The following TMOD1 variants were observed in gnomAD, a reference collection of about 807,000 sequenced individuals.
TMOD1 encodes the protein tropomodulin-1.
Under a neutral mutation model 40.6 loss-of-function variants are expected in TMOD1, and 17 were observed. The ratio of observed to expected loss-of-function variants is 0.42; its 90% CI spans 0.29 to 0.63. TMOD1 has a LOEUF of 0.63. TMOD1 is among the 20% of genes least tolerant of loss of function. The pLI is 0.22. For synonymous variants in TMOD1, 181 were observed against 175.0 expected (o/e 1.03, Z -0.27); for missense variants, 391 against 447.6 (o/e 0.87, Z 1.14).
At chr9:97,510,571 G>A (rs1262905409) in intron 1 of TMOD1, among the ~76,000 whole-genome samples, 4 of 152,170 alleles carry the variant, frequency 2.6e-5, no homozygotes, top group Admixed American at 2.0e-4. Flanking sequence ...TTGACTTACG[G>A]CTATCAAAGC....
intron 2 of TMOD1, among the ~76,000 whole-genome samples, chr9:97,525,378 A>G (rs999803319): frequency 6.6e-6 from 1 of 152,180 alleles, no homozygotes; most frequent in African/African-American, 2.4e-5. Flanking sequence ...CACACACACA[A>G]TACAAGTGTT....
At chr9:97,505,038 C>T (rs1408200902) in intron 1 of TMOD1, among the ~76,000 whole-genome samples, 1 of 152,166 alleles carries the variant, frequency 6.6e-6, no homozygotes, top group Non-Finnish European at 1.5e-5. Context: ...TAAAATCTTC[C>T]TTTGGCTAAT....
At chr9:97,510,279 A>G (rs1829674304) in intron 1 of TMOD1, among the ~76,000 whole-genome samples, 1 of 152,142 alleles carries the variant, frequency 6.6e-6, no homozygotes, top group Admixed American at 6.6e-5. Context: ...TGCCCAGGCA[A>G]GAGTACAGTG....
intron 2 of TMOD1, among the ~76,000 whole-genome samples, chr9:97,527,311 C>T (rs1830031365): frequency 1.3e-5 from 2 of 152,222 alleles, no homozygotes; most frequent in South Asian, 2.1e-4. Context: ...GGTTACCTGC[C>T]GAGCACTGTG....
intron 4 of TMOD1, chr9:97,555,639 T>C: frequency 6.4e-7 from 1 of 1,551,082 alleles, no homozygotes; most frequent in Non-Finnish European, 8.7e-7. Flanking sequence ...TGTTGGACAT[T>C]TGAAAGATGG....
chr9:97,568,809 T>C (rs1449257767), intron 7 of TMOD1, 85 bp from the exon 8 acceptor site: 2 of 1,500,788 alleles, frequency 1.3e-6, no homozygotes, highest in African/African-American at 2.8e-5. Context: ...CCTGTTCCCC[T>C]AGGTGTCTTA....
At chr9:97,545,107 AC>A (rs1830341296) in intron 2 of TMOD1, among the ~76,000 whole-genome samples, 1 of 152,016 alleles carries the variant, frequency 6.6e-6, no homozygotes, top group Non-Finnish European at 1.5e-5. Context: ...CATACCAGCC[AC>A]CCATGTATTC....
intron 1 of TMOD1, among the ~76,000 whole-genome samples, chr9:97,507,909 G>A (rs1829615262): frequency 1.3e-5 from 2 of 152,162 alleles, no homozygotes; most frequent in Admixed American, 6.5e-5. Flanking sequence ...TAGACAGAGG[G>A]CATAGTAGTT....
intron 8 of TMOD1, among the ~76,000 whole-genome samples, chr9:97,573,134 C>T (rs911575863): frequency 6.6e-6 from 1 of 152,198 alleles, no homozygotes; most frequent in Admixed American, 6.5e-5. Flanking sequence ...CTGTGGGCCC[C>T]GAGGGAGCCT....
At chr9:97,534,705 C>A (rs1487744101) in intron 2 of TMOD1, among the ~76,000 whole-genome samples, 1 of 152,188 alleles carries the variant, frequency 6.6e-6, no homozygotes, top group Non-Finnish European at 1.5e-5. Flanking sequence ...TAAGATATAT[C>A]CCAGCTGGCC....
At chr9:97,511,165 T>C (rs1258107208) in intron 1 of TMOD1, among the ~76,000 whole-genome samples, 1 of 152,160 alleles carries the variant, frequency 6.6e-6, no homozygotes, top group Non-Finnish European at 1.5e-5. Context: ...GCATCGAGCA[T>C]GGCTCATTGT....
At chr9:97,559,793 AAATATAT>A (rs1287128136) in intron 4 of TMOD1, among the ~76,000 whole-genome samples, 2 of 31,526 alleles carry the variant, frequency 6.3e-5, no homozygotes, top group Non-Finnish European at 1.2e-4. Context: ...AAAAAAAAAA[AAATATAT>A]ATATATATAT....
At chr9:97,574,364 C>A (rs1338106783) in intron 8 of TMOD1, among the ~76,000 whole-genome samples, 2 of 152,206 alleles carry the variant, frequency 1.3e-5, no homozygotes, top group African/African-American at 2.4e-5. Flanking sequence ...AGCACCTGGG[C>A]CAGCAGCTGC....
At chr9:97,573,004 C>T (rs764588839) in intron 8 of TMOD1, among the ~76,000 whole-genome samples, 8 of 152,326 alleles carry the variant, frequency 5.3e-5, no homozygotes, top group South Asian at 4.1e-4. Context: ...CTTTCACAAG[C>T]GGGGAAACTG....
intron 2 of TMOD1, among the ~76,000 whole-genome samples, chr9:97,536,779 C>G (rs1451401177): frequency 2.0e-5 from 3 of 152,164 alleles, no homozygotes; most frequent in East Asian, 3.8e-4. Context: ...CTGTCCTGTC[C>G]TCTTCCAAGA....
chr9:97,580,892 T>A (rs1259341801), intron 8 of TMOD1, among the ~76,000 whole-genome samples: 1 of 151,774 alleles, frequency 6.6e-6, no homozygotes, highest in Non-Finnish European at 1.5e-5. Context: ...ATGTTATATA[T>A]ATAATGTTAT....
At chr9:97,504,872 C>A (rs1829568269) in intron 1 of TMOD1, among the ~76,000 whole-genome samples, 1 of 152,128 alleles carries the variant, frequency 6.6e-6, no homozygotes, top group African/African-American at 2.4e-5. Context: ...TCTAAAGAGG[C>A]CAGTTTACTT....
chr9:97,598,661 G>T (rs1023992914), intron 9 of TMOD1, among the ~76,000 whole-genome samples: 2 of 152,198 alleles, frequency 1.3e-5, no homozygotes, highest in Non-Finnish European at 2.9e-5. Context: ...GAACTGGGCT[G>T]GCCCCACCTC....
At chr9:97,512,280 A>G (rs1829716657) in intron 1 of TMOD1, among the ~76,000 whole-genome samples, 1 of 152,226 alleles carries the variant, frequency 6.6e-6, no homozygotes, top group South Asian at 2.1e-4. Context: ...AGTGTTGACA[A>G]GGTTGTGGAG....
Sources: allele counts gnomAD v4.1 joint callset (sites outside exome capture counted in the v4.1 genomes callset), GRCh38; gene constraint gnomAD v4.1.1; transcripts MANE v1.5; gene names NCBI Gene and HGNC (gene_info 2026-07-23, HGNC 2026-07-21).